The following TTN variants were observed in gnomAD, a reference collection of about 807,000 sequenced individuals.
TTN encodes the protein connectin.
TTN carries 1,525 observed loss-of-function variants against 3,223.0 expected under a neutral mutation model. The ratio of observed to expected loss-of-function variants is 0.47; its 90% CI spans 0.45 to 0.49. The LOEUF (loss-of-function observed/expected upper bound fraction) is 0.49. TTN is among the 20% of genes least tolerant of loss of function. TTN has a pLI of 0.00. For synonymous variants in TTN, 14,094 were observed against 15,161.0 expected (o/e 0.93, Z 5.17); for missense variants, 40,786 against 43,424.0 (o/e 0.94, Z 5.40).
At chr2:178,787,771 C>T (rs1445626243) in intron 13 of TTN, among the ~76,000 whole-genome samples, 3 of 151,902 alleles carry the variant, frequency 2.0e-5, no homozygotes, top group Non-Finnish European at 4.4e-5. Flanking sequence ...TCTGTTTTTT[C>T]CTTGAATTAT....
At chr2:178,757,159 A>T in intron 45 of TTN, among the ~76,000 whole-genome samples, 1 of 150,046 alleles carries the variant, frequency 6.7e-6, no homozygotes, top group Non-Finnish European at 1.5e-5. Context: ...CTTTAAGTAC[A>T]GTAAGTAATA....
At chr2:178,793,597 G>T in intron 8 of TTN, 56 bp from the exon 9 acceptor site, 6 of 1,606,854 alleles carry the variant, frequency 3.7e-6, no homozygotes, top group Non-Finnish European at 5.1e-6. Flanking sequence ...ATAAAAATTA[G>T]TTCAAGACCA....
chr2:178,799,565 C>G lies in TTN; in HGVS notation c.836G>C (p.Arg279Pro). 1 of 1,614,138 alleles carries G rather than the reference C, an allele frequency of 6.2e-7. No individual in the cohort carries two copies. Among genetic ancestry groups the G allele is most frequent in the Non-Finnish European group, 8.5e-7 (1 of 1,180,018 alleles). The change falls in exon 6 of 363, where the codon CGG becomes CCG. Residue 279 changes from arginine to proline, a missense_variant. Transcript: ENST00000589042. Reference protein sequence around the residue: ...PSIAAKAQLARQQSPSPIRHS... With the variant: ...PSIAAKAQLAPQQSPSPIRHS... The stretch of plus-strand genomic sequence containing the variant: ...TCTTATGGGCGATGGGGACTGCTGC[C>G]GAGCCAGCTGTGCTTTGGCAGCAAT...
At position 178,767,780 on chromosome 2, in the gene TTN, T is replaced by C. The variant is rs558077210; in HGVS notation, c.9450A>G (p.Arg3150=). 1 of 1,614,170 alleles carries C rather than the reference T, an allele frequency of 6.2e-7. No homozygotes were observed. Among genetic ancestry groups the C allele is most frequent in the Non-Finnish European group, 8.5e-7 (1 of 1,180,006 alleles). ...LFVEGRDVRI[R]SIKKEVQVIE... ...ATACCTGAACCTCCTTTTTAATACTTCGGATGCGAACATCTCTGCCTTCTA... is the reference window on the plus strand; with the variant it reads ...ATACCTGAACCTCCTTTTTAATACTCCGGATGCGAACATCTCTGCCTTCTA... The change falls in exon 40 of 363, where the codon CGA becomes CGG. Residue 3150 remains arginine (R), a synonymous_variant. Transcript: ENST00000589042.
intron 23 of TTN, 33 bp downstream of exon 23, chr2:178,779,196 G>A: frequency 6.2e-7 from 1 of 1,612,814 alleles, no homozygotes; most frequent in Non-Finnish European, 8.5e-7. Flanking sequence ...TCTTTACTGT[G>A]GCAAGGAGCT....
Position 178,537,923 on chromosome 2 carries a change from C to A in TTN, c.99290-6G>T, listed in dbSNP as rs727504987. Reference sequence around the variant, plus strand: ...TATTCCTGGGGCCTCTCCAGCTGAACAATATGAAAGATAATATTAAGTGAC... The same window carrying A: ...TATTCCTGGGGCCTCTCCAGCTGAAAAATATGAAAGATAATATTAAGTGAC... On this transcript the variant is annotated splice_polypyrimidine_tract_variant and splice_region_variant and intron_variant, in intron 354 of 362. Transcript: ENST00000589042. 9.4e-6 allele frequency: 15 copies of A among 1,594,436 alleles called. 1 individual carries two copies. Among genetic ancestry groups the A allele is most frequent in the African/African-American group, 5.4e-5 (4 of 74,424 alleles).
In TTN at chr2:178,704,204, C is replaced by A. The variant is rs794729401; in HGVS notation, c.30166G>T (p.Gly10056Cys). The A allele has an allele frequency of 1.2e-6, 2 of 1,613,946 alleles. No individual in the cohort carries two copies. Among genetic ancestry groups the A allele is most frequent in the South Asian group, 2.2e-5 (2 of 91,080 alleles). The change falls in exon 106 of 363, where the codon GGT becomes TGT. Residue 10056 changes from glycine to cysteine, a missense_variant. By Grantham distance (159) the Gly-to-Cys change is radical (BLOSUM62 -3). Coordinates refer to ENST00000589042, the MANE Select transcript of TTN (RefSeq NM_001267550.2). Reference protein sequence around the residue: ...TIADVRAEDQGQYTCKYEDLE... With the variant: ...TIADVRAEDQCQYTCKYEDLE... ...TCTTCATATTTGCAGGTGTACTGAC[C>A]CTGGTCTTCTGCTCGAACATCTGCA...
rs796743868 is a variant in TTN at position 178,733,014 on chromosome 2, C to A, written c.16162G>T (p.Val5388Leu). 6.8e-6 allele frequency: 11 copies of A among 1,613,550 alleles called. No homozygotes were observed. The highest frequency in any genetic ancestry group is 9.3e-6 in the Non-Finnish European group (11 of 1,179,730). The part of the protein sequence containing the change: ...CKIAGSLPMR[V>L]SWFKDGKEIA... ...TCTTTGCCATCCTTAAACCAGGACA[C>A]CCTCATGGGGAGGGAGCCTGCAATT... Residue 5388 changes from valine (V) to leucine (L), a missense_variant, in exon 55 of 363, where the codon GTG becomes TTG. Transcript: ENST00000589042.
chr2:178,685,130 T>C, intron 129 of TTN, 123 bp downstream of exon 129: 1 of 1,146,728 alleles, frequency 8.7e-7, no homozygotes, highest in Non-Finnish European at 1.2e-6. Flanking sequence ...CGTTCATACA[T>C]GTGTTCTGAC....
Position 178,535,067 on chromosome 2 carries a change from C to T in TTN, c.101548G>A (p.Val33850Ile), listed in dbSNP as rs1176483211. The T allele has an allele frequency of 6.2e-7, 1 of 1,613,770 alleles. No homozygotes were observed. The highest frequency in any genetic ancestry group is 8.5e-7 in the Non-Finnish European group (1 of 1,179,846). ...SSKKTYMAKF[V>I]KVKGTDQVLV... is the part of the protein sequence containing the mutation. Reference sequence around the variant, plus strand: ...ACCTGATCAGTCCCTTTGACTTTAACAAATTTGGCCATGTATGTCTTCTTT... The same window carrying T: ...ACCTGATCAGTCCCTTTGACTTTAATAAATTTGGCCATGTATGTCTTCTTT... Residue 33850 changes from valine to isoleucine, a missense_variant, in exon 358 of 363, where the codon GTT becomes ATT. Val to Ile is a conservative substitution (Grantham distance 29). Coordinates refer to ENST00000589042, the MANE Select transcript of TTN (RefSeq NM_001267550.2).
rs372320172 is a variant in TTN, at chr2:178,717,177, G to A, written c.25557C>T (p.Gly8519=). The A allele has an allele frequency of 5.0e-5, 80 of 1,613,528 alleles. No homozygotes were observed. Among genetic ancestry groups the A allele is most frequent in the Non-Finnish European group, 6.7e-5 (79 of 1,179,664 alleles). ...AGGTGTACTGCCCGGCATCGCCTTT[G>A]CCTACTTTGAGAACTGTCAGAGTGG... ...NTATLTVLKV[G]KGDAGQYTCY... Residue 8519 remains glycine, a synonymous_variant, in exon 88 of 363, where the codon GGC becomes GGT. Coordinates refer to ENST00000589042, the MANE Select transcript of TTN (RefSeq NM_001267550.2).
intron 78 of TTN, among the ~76,000 whole-genome samples, chr2:178,721,487 GTAAGT>G (rs1194093031): frequency 6.6e-6 from 1 of 151,418 alleles, no homozygotes; most frequent in Non-Finnish European, 1.5e-5. Flanking sequence ...GTTTGACTAT[GTAAGT>G]TAAAACATAA....
chr2:178,675,663 T>C lies in TTN; in HGVS notation c.34537+8A>G. ...CAGCAAACATATCCCTGTTATGGGATGATGTACCTTTGGCAGGAGGGGCCA... is the reference window on the plus strand; with the variant it reads ...CAGCAAACATATCCCTGTTATGGGACGATGTACCTTTGGCAGGAGGGGCCA... On this transcript the variant is annotated splice_region_variant and intron_variant, in intron 149 of 362. Coordinates refer to ENST00000589042, the MANE Select transcript of TTN (RefSeq NM_001267550.2). 7.1e-7 allele frequency: 1 copy of C among 1,411,956 alleles called. No homozygotes were observed. The highest frequency in any genetic ancestry group is 9.2e-7 in the Non-Finnish European group (1 of 1,091,608). 87.5% of individuals were successfully genotyped at this position (1,411,956 alleles called of 1,614,324 possible).
chr2:178,649,135 T>C (rs1029945376), intron 213 of TTN, 113 bp downstream of exon 213: 6 of 813,168 alleles, frequency 7.4e-6, no homozygotes, highest in African/African-American at 5.5e-5. Flanking sequence ...CCCTTTTTTC[T>C]GTGCAATATG....
rs749240449 is a variant in TTN, at chr2:178,745,623, CT to C, written c.11312-3703del. 6.2e-6 allele frequency: 10 copies of C among 1,612,784 alleles called. No homozygotes were observed. The South Asian group carries it at 9.9e-5, about 16-fold the overall frequency. Reference sequence around the variant, plus strand: ...AGTGCTGCAAAGCTCTCAGCCATTCCTGATTTGTTTGTAGCTACACACCTAT... The same window carrying C: ...AGTGCTGCAAAGCTCTCAGCCATTCCGATTTGTTTGTAGCTACACACCTAT... On this transcript the variant is annotated intron_variant, in intron 47 of 362. Coordinates refer to ENST00000589042, the MANE Select transcript of TTN (RefSeq NM_001267550.2).
intron 240 of TTN, among the ~76,000 whole-genome samples, chr2:178,626,318 G>A (rs1000649874): frequency 6.6e-6 from 1 of 151,912 alleles, no homozygotes; most frequent in Non-Finnish European, 1.5e-5. Context: ...TTTTTCATGT[G>A]TCTAAGCATC....
chr2:178,590,190 T>C lies in TTN; in HGVS notation c.61535A>G (p.Lys20512Arg), dbSNP rs2049906608. Residue 20512 changes from lysine to arginine, a missense_variant, in exon 304 of 363, where the codon AAG (lysine) becomes AGG (arginine). Transcript: ENST00000589042. ...TTCTCGGACCAATACTTTGCCTTCC[T>C]TAGTCCAAGTTATGTCTGGTTCAGG... ...GRPEPDITWT[K>R]EGKVLVREKR... 6.2e-7 allele frequency: 1 copy of C among 1,610,050 alleles called. No homozygotes were observed. Among genetic ancestry groups the C allele is most frequent in the East Asian group, 2.2e-5 (1 of 44,748 alleles).
chr2:178,605,853 A>G, intron 278 of TTN, 140 bp from the exon 279 acceptor site: 1 of 775,856 alleles, frequency 1.3e-6, no homozygotes, highest in Non-Finnish European at 1.8e-6. Context: ...TCATTCCTAA[A>G]ACTTGTCAGT....
chr2:178,782,783 A>G lies in TTN; in HGVS notation c.3100+23T>C, dbSNP rs2092894404. ...TGAAAGTGATGGCATGTGCATTAGG[A>G]CTGTGGGAGGGTGGCCACTAACCCT... On this transcript the variant is annotated intron_variant, in intron 18 of 362. Coordinates refer to ENST00000589042, the MANE Select transcript of TTN (RefSeq NM_001267550.2). The G allele has an allele frequency of 3.7e-6, 6 of 1,612,050 alleles. 1 individual carries two copies. In the South Asian group the frequency reaches 6.6e-5, roughly 18 times the overall value.
Sources: allele counts gnomAD v4.1 joint callset (sites outside exome capture counted in the v4.1 genomes callset), GRCh38; gene constraint gnomAD v4.1.1; transcripts MANE v1.5; gene names NCBI Gene and HGNC (gene_info 2026-07-23, HGNC 2026-07-21).